The following EARS2 variants were observed in gnomAD, a reference collection of about 807,000 sequenced individuals.
The protein encoded by EARS2 is glutamyl-tRNA synthetase 2, mitochondrial, also known as nondiscriminating glutamyl-tRNA synthetase EARS2, mitochondrial.
In EARS2, 50 loss-of-function variants were observed where a neutral mutation model predicts 54.1. The observed-to-expected ratio is 0.92, with a 90% CI of 0.74 to 1.17. The LOEUF (loss-of-function observed/expected upper bound fraction) is 1.17, where lower values mean the gene tolerates loss of function less well. EARS2 is among the 50% of genes most tolerant of loss of function. EARS2 has a pLI of 0.00. For missense variants in EARS2, 673 were observed against 675.0 expected, an observed-to-expected ratio of 1.00 and a Z score of 0.03; for synonymous variants, 298 against 281.0, an observed-to-expected ratio of 1.06 and a Z score of -0.61.
At chr16:23,543,703 A>G (rs1422824490) in intron 3 of EARS2, among the ~76,000 whole-genome samples, 1 of 151,074 alleles carries the variant, frequency 6.6e-6, no homozygotes, top group East Asian at 1.9e-4. Context: ...ACTGCGCTCC[A>G]GCCTGGGCGA....
At chr16:23,543,296 T>C (rs918631603) in intron 3 of EARS2, among the ~76,000 whole-genome samples, 10 of 151,162 alleles carry the variant, frequency 6.6e-5, no homozygotes, top group Non-Finnish European at 2.9e-5. Context: ...AGTACAGTCC[T>C]AGTTACTTGG....
chr16:23,525,520 G>A, intron 7 of EARS2, 141 bp from the exon 8 acceptor site: 1 of 977,410 alleles, frequency 1.0e-6, no homozygotes, highest in South Asian at 1.7e-5. Context: ...AGGTGAGGAA[G>A]ATATTGACCA....
At chr16:23,533,459 A>G (rs1313559560) in intron 4 of EARS2, among the ~76,000 whole-genome samples, 1 of 152,156 alleles carries the variant, frequency 6.6e-6, no homozygotes, top group East Asian at 1.9e-4. Context: ...ACTTTCAAAC[A>G]TAAGGGAGGC....
intron 3 of EARS2, among the ~76,000 whole-genome samples, chr16:23,541,197 G>A (rs1157333090): frequency 4.0e-5 from 6 of 150,674 alleles, no homozygotes; most frequent in African/African-American, 1.5e-4. Flanking sequence ...TGTGGTGGCG[G>A]GCACCTGTAA....
Position 23,552,307 on chromosome 16 carries a change from G to A in EARS2, c.140-3C>T, listed in dbSNP as rs1597027778. 1 of 1,614,026 alleles carries A rather than the reference G, an allele frequency of 6.2e-7. No individual in the cohort carries two copies. The highest frequency in any genetic ancestry group is 1.3e-5 in the African/African-American group (1 of 75,064). ...GAGGCCACCCAGGTGCAAGAAGCCT[G>A]GAGAAGAGAACAGCTCAGATAAGAC... is the stretch of plus-strand genomic sequence containing the variant. On this transcript the variant is annotated splice_polypyrimidine_tract_variant and splice_region_variant and intron_variant, in intron 1 of 8. Transcript: ENST00000449606.
intron 7 of EARS2, among the ~76,000 whole-genome samples, chr16:23,525,977 G>T (rs948450078): frequency 5.1e-5 from 7 of 138,128 alleles, no homozygotes; most frequent in Admixed American, 4.5e-4. Context: ...CAGCCTGGGT[G>T]ACAGAGCGAG....
At chr16:23,544,738 C>A in intron 2 of EARS2, 35 bp from the exon 3 acceptor site, 2 of 1,546,824 alleles carry the variant, frequency 1.3e-6, no homozygotes, top group Non-Finnish European at 1.7e-6. Flanking sequence ...CTAAGGTGCA[C>A]ACAGCGCTCG....
chr16:23,533,793 C>T (rs1039346678), intron 4 of EARS2, among the ~76,000 whole-genome samples: 20 of 152,090 alleles, frequency 1.3e-4, no homozygotes, highest in Non-Finnish European at 2.2e-4. Context: ...CGGTGGCTCA[C>T]GCCTGTAATC....
At chr16:23,557,077 T>A (rs1965806092) in intron 1 of EARS2, 128 bp downstream of exon 1, 2 of 1,378,260 alleles carry the variant, frequency 1.5e-6, no homozygotes, top group Admixed American at 2.4e-5. Context: ...TAAAATGGGC[T>A]CGCGCTGCCT....
chr16:23,541,380 T>C (rs959476949), intron 3 of EARS2, among the ~76,000 whole-genome samples: 2 of 152,130 alleles, frequency 1.3e-5, no homozygotes, highest in African/African-American at 4.8e-5. Flanking sequence ...AAATAAATGT[T>C]TGTTAAGACG....
chr16:23,553,977 A>T (rs946931760), intron 1 of EARS2, among the ~76,000 whole-genome samples: 3 of 151,742 alleles, frequency 2.0e-5, no homozygotes, highest in Admixed American at 6.6e-5. Context: ...TTTAAATTTC[A>T]TCTACTTGAG....
rs555831952 is a variant in EARS2, at chr16:23,550,377, A to C, written c.295+1772T>G. Among the ~76,000 whole-genome samples the C allele has an allele frequency of 1.6e-3, 237 of 151,862 alleles. 2 individuals are homozygous for C. The highest frequency in any genetic ancestry group is 5.5e-3 in the African/African-American group (230 of 41,476). ...GCAAGATTTTGTTTGTTAAAAAAAAAAAAAAAGAAATAATTAATCCACTCA... is the reference window on the plus strand; with the variant it reads ...GCAAGATTTTGTTTGTTAAAAAAAACAAAAAAGAAATAATTAATCCACTCA... On this transcript the variant is annotated intron_variant, in intron 2 of 8. Transcript: ENST00000449606.
intron 3 of EARS2, among the ~76,000 whole-genome samples, chr16:23,542,489 T>A (rs1965532052): frequency 6.6e-6 from 1 of 151,214 alleles, no homozygotes; most frequent in African/African-American, 2.4e-5. Flanking sequence ...CTAATTTTTG[T>A]ATTTTTAGCA....
intron 7 of EARS2, among the ~76,000 whole-genome samples, chr16:23,526,404 G>A (rs559054674): frequency 3.9e-5 from 6 of 152,266 alleles, no homozygotes; most frequent in South Asian, 2.1e-4. Context: ...GATTATAGGC[G>A]TGAGCCACCA....
intron 2 of EARS2, among the ~76,000 whole-genome samples, chr16:23,550,038 T>C (rs974432812): frequency 3.3e-5 from 5 of 152,114 alleles, no homozygotes; most frequent in Non-Finnish European, 7.4e-5. Context: ...TTCTCCATAC[T>C]GGTTATTATC....
intron 3 of EARS2, among the ~76,000 whole-genome samples, chr16:23,536,682 CTTTTTTTTTT>C (rs953231916): frequency 6.2e-5 from 7 of 113,522 alleles, no homozygotes; most frequent in South Asian, 3.2e-4. Flanking sequence ...CTTTTTTTTT[CTTTTTTTTTT>C]TTTTTTTTGA....
chr16:23,550,161 C>CA (rs1965669923), intron 2 of EARS2, among the ~76,000 whole-genome samples: 1 of 152,082 alleles, frequency 6.6e-6, no homozygotes, highest in South Asian at 2.1e-4. Context: ...AGGGGTTCAA[C>CA]AGCAGCCTGG....
chr16:23,529,477 C>G (rs2072062), intron 7 of EARS2, 25 bp downstream of exon 7: 10 of 1,607,962 alleles, frequency 6.2e-6, no homozygotes, highest in African/African-American at 1.3e-5. Flanking sequence ...GTGTGGAACC[C>G]TGAGCTCAGC....
At chr16:23,543,317 T>C (rs1212841658) in intron 3 of EARS2, among the ~76,000 whole-genome samples, 1 of 150,052 alleles carries the variant, frequency 6.7e-6, no homozygotes, top group Non-Finnish European at 1.5e-5. Context: ...GAGGCTGAGA[T>C]GGGGGCACTG....
Sources: gnomAD v4.1 joint callset for allele counts (sites outside exome capture counted in the v4.1 genomes callset) on GRCh38, gnomAD v4.1.1 for gene constraint, MANE v1.5 for transcripts, NCBI Gene and HGNC (gene_info 2026-07-23, HGNC 2026-07-21) for gene names.